Variants in GALK2 observed in about 807,000 individuals in gnomAD.
The protein encoded by GALK2 is N-acetylgalactosamine kinase.
In GALK2, 36 loss-of-function variants were observed where a neutral mutation model predicts 52.4. The observed-to-expected ratio is 0.69, with a 90% confidence interval of 0.53 to 0.91. GALK2 has a LOEUF of 0.91. GALK2 is among the 40% of genes least tolerant of loss of function. The pLI is 0.00. For missense variants in GALK2, 579 were observed against 559.1 expected, an observed-to-expected ratio of 1.04 and a Z score of -0.36; for synonymous variants, 176 against 199.1, an observed-to-expected ratio of 0.88 and a Z score of 0.98.
chr15:49,365,842 C>T (rs565647102), intron 3 of GALK2: 50 of 887,018 alleles, frequency 5.6e-5, no homozygotes, highest in Middle Eastern at 3.3e-4. Context: ...GCTTTTGCCG[C>T]GACACTCAAT....
intron 8 of GALK2, among the ~76,000 whole-genome samples, chr15:49,300,546 G>T (rs995677830): frequency 6.6e-6 from 1 of 151,954 alleles, no homozygotes. Context: ...GTTTGGCTGT[G>T]TCCCCACCCA....
chr15:49,238,816 A>G (rs1208708236), intron 4 of GALK2, among the ~76,000 whole-genome samples: 1 of 152,158 alleles, frequency 6.6e-6, no homozygotes, highest in East Asian at 1.9e-4. Context: ...CTGCATGGAG[A>G]TTTAAATTAC....
At chr15:49,244,664 G>T (rs965716533) in intron 5 of GALK2, among the ~76,000 whole-genome samples, 1 of 152,092 alleles carries the variant, frequency 6.6e-6, no homozygotes, top group African/African-American at 2.4e-5. Flanking sequence ...AAAGAAGATC[G>T]CATGGGAACT....
At chr15:49,260,293 T>C (rs1301911088) in intron 5 of GALK2, among the ~76,000 whole-genome samples, 1 of 152,232 alleles carries the variant, frequency 6.6e-6, no homozygotes, top group Non-Finnish European at 1.5e-5. Flanking sequence ...TGAGATGGTA[T>C]CTCATTGTGG....
chr15:49,243,843 C>G (rs1317360535), intron 5 of GALK2, among the ~76,000 whole-genome samples: 8 of 151,934 alleles, frequency 5.3e-5, no homozygotes, highest in African/African-American at 1.4e-4. Flanking sequence ...TTGGAAACAG[C>G]TGGGCATGGT....
chr15:49,292,913 C>T (rs1019198352), intron 8 of GALK2, among the ~76,000 whole-genome samples: 2 of 152,072 alleles, frequency 1.3e-5, no homozygotes, highest in African/African-American at 4.8e-5. Flanking sequence ...AAAGTGTTCA[C>T]GTCTTAGGTT....
chr15:49,197,783 T>C (rs1307956038), intron 1 of GALK2, among the ~76,000 whole-genome samples: 2 of 152,226 alleles, frequency 1.3e-5, no homozygotes, highest in Non-Finnish European at 1.5e-5. Flanking sequence ...CAGATATTTT[T>C]CTTTTCTCCT....
intron 2 of GALK2, among the ~76,000 whole-genome samples, chr15:49,205,002 C>T (rs2141324559): frequency 6.6e-6 from 1 of 152,324 alleles, no homozygotes; most frequent in East Asian, 1.9e-4. Context: ...TCTCCAGTCT[C>T]ATCCAGGTCA....
At chr15:49,196,107 G>A (rs961279469) in intron 1 of GALK2, among the ~76,000 whole-genome samples, 5 of 151,976 alleles carry the variant, frequency 3.3e-5, no homozygotes, top group Admixed American at 6.6e-5. Context: ...AAAACCGCAG[G>A]CTTTGAATTT....
chr15:49,259,108 T>C (rs914249683), intron 5 of GALK2, among the ~76,000 whole-genome samples: 18 of 151,758 alleles, frequency 1.2e-4, no homozygotes, highest in African/African-American at 3.9e-4. Flanking sequence ...TATATATATG[T>C]ATACTAAAAA....
chr15:49,294,314 G>C lies in GALK2; in HGVS notation c.967+1777G>C, dbSNP rs977040009. 2.4e-4 allele frequency among the ~76,000 whole-genome samples: 37 copies of C among 152,126 alleles called. 2 individuals carry two copies. The highest frequency in any genetic ancestry group is 3.2e-3 in the Middle Eastern group (1 of 316). The stretch of plus-strand genomic sequence containing the variant: ...CCAGTCTGACAAAACAGTAGATACA[G>C]AGGCAGAAAGAAGTGAGAGAAGATT... On this transcript the variant is annotated intron_variant, in intron 8 of 9. Transcript: ENST00000560031.
chr15:49,343,353 G>A (rs1033840121), intron 3 of GALK2, among the ~76,000 whole-genome samples: 1 of 151,958 alleles, frequency 6.6e-6, no homozygotes, highest in African/African-American at 2.4e-5. Context: ...AATTTCAGTT[G>A]AGTTTTTGAA....
intron 8 of GALK2, among the ~76,000 whole-genome samples, chr15:49,296,792 G>C (rs376660466): frequency 2.0e-5 from 3 of 152,166 alleles, no homozygotes; most frequent in African/African-American, 7.2e-5. Flanking sequence ...GTAGAGACAG[G>C]GTTTCACCAT....
chr15:49,176,676 A>G (rs530133439), intron 1 of GALK2, among the ~76,000 whole-genome samples: 1 of 152,320 alleles, frequency 6.6e-6, no homozygotes, highest in South Asian at 2.1e-4. Context: ...ATATTCCTGG[A>G]ATGAACTCTG....
At chr15:49,336,520 C>T (rs1387978407), downstream of GALK2, among the ~76,000 whole-genome samples, 1 of 152,236 alleles carries the variant, frequency 6.6e-6, no homozygotes, top group Non-Finnish European at 1.5e-5. Flanking sequence ...TACAGCCCCA[C>T]TCCCATTGTG....
intron 3 of GALK2, among the ~76,000 whole-genome samples, chr15:49,349,522 C>T (rs2041960262): frequency 6.6e-6 from 1 of 152,106 alleles, no homozygotes; most frequent in South Asian, 2.1e-4. Context: ...TTCTCTATTA[C>T]ATAAGTTTTA....
chr15:49,309,894 C>T (rs1401650789), intron 8 of GALK2, among the ~76,000 whole-genome samples: 1 of 152,202 alleles, frequency 6.6e-6, no homozygotes, highest in African/African-American at 2.4e-5. Context: ...GCATGAGCCA[C>T]TGTGCTGGAC....
chr15:49,274,267 C>G (rs1194132548), intron 5 of GALK2, among the ~76,000 whole-genome samples: 1 of 152,206 alleles, frequency 6.6e-6, no homozygotes, highest in Non-Finnish European at 1.5e-5. Flanking sequence ...CTATATGGTA[C>G]AGCCTATTGC....
At chr15:49,306,505 T>C (rs1489568146) in intron 8 of GALK2, among the ~76,000 whole-genome samples, 1 of 152,174 alleles carries the variant, frequency 6.6e-6, no homozygotes, top group Admixed American at 6.5e-5. Flanking sequence ...AATATGCTTA[T>C]TTCACAGGTA....
Sources: gnomAD v4.1 joint callset for allele counts (sites outside exome capture counted in the v4.1 genomes callset) on GRCh38, gnomAD v4.1.1 for gene constraint, MANE v1.5 for transcripts, NCBI Gene and HGNC (gene_info 2026-07-23, HGNC 2026-07-21) for gene names.